MGME1: variants seen among roughly 807,000 people sequenced by gnomAD.
MGME1 encodes mitochondrial genome maintenance exonuclease 1, also known as chromosome 20 open reading frame 72.
Under a neutral mutation model 33.0 loss-of-function variants are expected in MGME1, and 22 were observed. The ratio of observed to expected loss-of-function variants is 0.67; its 90% CI spans 0.48 to 0.95. The LOEUF (loss-of-function observed/expected upper bound fraction) is 0.95, where lower values mean the gene tolerates loss of function less well. MGME1 is among the 40% of genes least tolerant of loss of function. The pLI, the probability that MGME1 is intolerant of heterozygous loss-of-function variation, is 0.00. For synonymous variants in MGME1, 133 were observed against 144.0 expected (o/e 0.92, Z 0.55); for missense variants, 383 against 397.8 (o/e 0.96, Z 0.32).
chr20:17,990,148 A>G lies in MGME1; in HGVS notation c.*39A>G. ...ATTTGGGAACATTCAGCACCTTCTC[A>G]CAGTTTGGGAACATATATTGCTGTT... On this transcript the variant is annotated 3_prime_UTR_variant, in exon 5 of 5. Transcript: ENST00000377710. 2 of 1,584,850 alleles carry G rather than the reference A, an allele frequency of 1.3e-6. No individual in the cohort carries two copies.
In MGME1 at chr20:17,990,380, T is replaced by A. The variant is rs1031690809; in HGVS notation, c.*271T>A. The A allele has an allele frequency of 3.1e-6, 1 of 319,046 alleles. No homozygotes were observed. Among genetic ancestry groups the A allele is most frequent in the Non-Finnish European group, 5.9e-6 (1 of 169,150 alleles). The allele number at this position is 319,046 out of a possible 1,614,324, so 19.8% of individuals were successfully genotyped here. Reference sequence around the variant, plus strand: ...GGACACGCAGGATGGGCAGTCATGCTGGTGACTCTTGTACTCCCTTGAGGG... The same window carrying A: ...GGACACGCAGGATGGGCAGTCATGCAGGTGACTCTTGTACTCCCTTGAGGG... On this transcript the variant is annotated 3_prime_UTR_variant, in exon 5 of 5. Coordinates refer to ENST00000377710, the MANE Select transcript of MGME1 (RefSeq NM_052865.4).
chr20:17,986,475 A>C (rs909727305), intron 3 of MGME1, among the ~76,000 whole-genome samples: 7 of 151,700 alleles, frequency 4.6e-5, no homozygotes, highest in Non-Finnish European at 1.0e-4. Flanking sequence ...TCCTGGGCTC[A>C]GCCTCCTGAG....
chr20:17,969,801 G>C lies in MGME1; in HGVS notation c.-59G>C. The C allele has an allele frequency of 1.3e-6, 2 of 1,496,318 alleles. No individual in the cohort carries two copies. The highest frequency in any genetic ancestry group is 1.3e-5 in the South Asian group (1 of 75,236). The allele number at this position is 1,496,318 out of a possible 1,614,324, so 92.7% of individuals were successfully genotyped here. ...TTGATGGTTGTTTTCTCTCCAATAG[G>C]AATACAAACATAAAGGCCTTCGACC... On this transcript the variant is annotated splice_region_variant and 5_prime_UTR_variant, in exon 2 of 5. Coordinates refer to ENST00000377710, the MANE Select transcript of MGME1 (RefSeq NM_052865.4).
intron 2 of MGME1, among the ~76,000 whole-genome samples, chr20:17,973,747 A>C (rs769492671): frequency 2.0e-5 from 3 of 151,878 alleles, no homozygotes. Flanking sequence ...TTCTCTGAGT[A>C]TCTAATTGGT....
rs1448363438 is a variant in MGME1 at position 17,975,723 on chromosome 20, A to G, written c.551A>G (p.Glu184Gly). Reference sequence around the variant, plus strand: ...GGGAAACGGTTCCACGAAGCCTTGGAAAGCATACTTTCACCCCAGGAAACC... The same window carrying G: ...GGGAAACGGTTCCACGAAGCCTTGGGAAGCATACTTTCACCCCAGGAAACC... The part of the protein sequence containing the change: ...LQGKRFHEAL[E>G]SILSPQETLK... Residue 184 changes from glutamate (E) to glycine (G), a missense_variant, in exon 3 of 5, where the codon GAA (glutamate) becomes GGA (glycine). Transcript: ENST00000377710. 2 of 1,614,108 alleles carry G rather than the reference A, an allele frequency of 1.2e-6. No individual in the cohort carries two copies. The highest frequency in any genetic ancestry group is 2.2e-5 in the South Asian group (2 of 91,086).
At chr20:17,974,580 T>C (rs1415948192) in intron 2 of MGME1, among the ~76,000 whole-genome samples, 3 of 152,204 alleles carry the variant, frequency 2.0e-5, no homozygotes, top group African/African-American at 7.2e-5. Flanking sequence ...TAATGTGTCC[T>C]AATGTGTCCT....
chr20:17,987,792 A>G (rs890402011), intron 3 of MGME1, among the ~76,000 whole-genome samples: 1 of 152,216 alleles, frequency 6.6e-6, no homozygotes, highest in Non-Finnish European at 1.5e-5. Flanking sequence ...GAGAGTCACC[A>G]GTTACTGGTC....
Position 17,990,286 on chromosome 20 carries a change from C to A in MGME1, c.*177C>A. The A allele has an allele frequency of 1.5e-6, 1 of 656,510 alleles. No individual in the cohort carries two copies. The highest frequency in any genetic ancestry group is 2.0e-5 in the South Asian group (1 of 50,652). The allele number at this position is 656,510 out of a possible 1,614,324, so 40.7% of individuals were successfully genotyped here. On this transcript the variant is annotated 3_prime_UTR_variant, in exon 5 of 5. Transcript: ENST00000377710. ...CAAAAAGACTGAAAAGCCCCAAAGT[C>A]TAGATATAAAGACCTAGACTTCGGC...
At chr20:17,989,750 C>T (rs2036245576) in intron 4 of MGME1, among the ~76,000 whole-genome samples, 189 bp from the exon 5 acceptor site, 1 of 149,500 alleles carries the variant, frequency 6.7e-6, no homozygotes, top group Admixed American at 6.7e-5. Flanking sequence ...GCCCAGTCTT[C>T]AATGTTTTAT....
At chr20:17,981,811 G>A (rs1484536807) in intron 3 of MGME1, among the ~76,000 whole-genome samples, 1 of 151,764 alleles carries the variant, frequency 6.6e-6, no homozygotes, top group Non-Finnish European at 1.5e-5. Context: ...ACAGGTGCCT[G>A]GCTAATTTTT....
chr20:17,985,058 GAAAA>G (rs1356299580), intron 3 of MGME1, among the ~76,000 whole-genome samples: 5 of 119,612 alleles, frequency 4.2e-5, no homozygotes, highest in Admixed American at 4.2e-4. Flanking sequence ...AAAAAAAAAA[GAAAA>G]GGAAAATATT....
Position 17,988,381 on chromosome 20 carries a change from C to T in MGME1, c.864+83C>T, listed in dbSNP as rs573627477. 3.4e-6 allele frequency: 5 copies of T among 1,465,314 alleles called. No individual in the cohort carries two copies. The South Asian group carries it at 6.5e-5, about 19-fold the overall frequency. The allele number at this position is 1,465,314 out of a possible 1,614,324, so 90.8% of individuals were successfully genotyped here. ...TCCGGGCCGGGCGCAGTGGCTCATG[C>T]CTGTAATCCTAGCACTTTGGGAGGC... is the stretch of plus-strand genomic sequence containing the variant. On this transcript the variant is annotated intron_variant, in intron 4 of 4. Transcript: ENST00000377710.
intron 4 of MGME1, among the ~76,000 whole-genome samples, chr20:17,989,682 A>T (rs1173692890): frequency 6.8e-6 from 1 of 146,120 alleles, no homozygotes; most frequent in East Asian, 2.0e-4. Context: ...AAAAAAAAGC[A>T]CTTTTCCACC....
chr20:17,974,426 A>C (rs957377040), intron 2 of MGME1, among the ~76,000 whole-genome samples: 2 of 152,126 alleles, frequency 1.3e-5, no homozygotes, highest in African/African-American at 4.8e-5. Flanking sequence ...TTGGAGGCCA[A>C]CGAGCACTGA....
chr20:17,971,387 A>G (rs1378043343), intron 2 of MGME1, among the ~76,000 whole-genome samples: 2 of 152,236 alleles, frequency 1.3e-5, no homozygotes, highest in African/African-American at 4.8e-5. Flanking sequence ...ATTAGTAGCA[A>G]CCACCAAACT....
In MGME1 at chr20:17,990,826, C is replaced by G. The variant is rs62209765; in HGVS notation, c.*717C>G. 6.6e-6 allele frequency: 1 copy of G among 152,156 alleles called. No individual in the cohort carries two copies. Among genetic ancestry groups the G allele is most frequent in the East Asian group, 1.9e-4 (1 of 5,196 alleles). 9.4% of individuals were successfully genotyped at this position (152,156 alleles called of 1,614,324 possible). ...TAAGTGTTTTAGTAACTATTTCTGG[C>G]GTGAGTCAACAGATCATGTAGATAG... On this transcript the variant is annotated 3_prime_UTR_variant, in exon 5 of 5. Coordinates refer to ENST00000377710, the MANE Select transcript of MGME1 (RefSeq NM_052865.4).
chr20:17,990,313 C>T lies in MGME1; in HGVS notation c.*204C>T, dbSNP rs553436022. 1.3e-5 allele frequency: 8 copies of T among 600,392 alleles called. No homozygotes were observed. The highest frequency in any genetic ancestry group is 3.0e-5 in the Admixed American group (1 of 33,232). The allele number at this position is 600,392 out of a possible 1,614,324, so 37.2% of individuals were successfully genotyped here. A position where few individuals can be genotyped will look rare whatever the true frequency, so the allele number is the denominator to read the frequency against. Reference sequence around the variant, plus strand: ...AGATATAAAGACCTAGACTTCGGCACGCGAAATCCCAGCTATGCTACCTCT... The same window carrying T: ...AGATATAAAGACCTAGACTTCGGCATGCGAAATCCCAGCTATGCTACCTCT... On this transcript the variant is annotated 3_prime_UTR_variant, in exon 5 of 5. Transcript: ENST00000377710.
chr20:17,969,826 C>G lies in MGME1; in HGVS notation c.-34C>G. 6.4e-7 allele frequency: 1 copy of G among 1,560,740 alleles called. No individual in the cohort carries two copies. The highest frequency in any genetic ancestry group is 8.6e-7 in the Non-Finnish European group (1 of 1,158,538). ...GAATACAAACATAAAGGCCTTCGACCGTTGCAAATAGACTAAAGTGAAAAC... is the reference window on the plus strand; with the variant it reads ...GAATACAAACATAAAGGCCTTCGACGGTTGCAAATAGACTAAAGTGAAAAC... On this transcript the variant is annotated 5_prime_UTR_variant, in exon 2 of 5. Transcript: ENST00000377710.
At chr20:17,969,746 G>A (rs2035662905) in intron 1 of MGME1, 55 bp from the exon 2 acceptor site, 2 of 1,085,490 alleles carry the variant, frequency 1.8e-6, no homozygotes, top group Admixed American at 4.9e-5. Flanking sequence ...CAATTTTGAT[G>A]TGCAATATCA....
Sources: gnomAD v4.1 joint callset for allele counts (sites outside exome capture counted in the v4.1 genomes callset) on GRCh38, gnomAD v4.1.1 for gene constraint, MANE v1.5 for transcripts, NCBI Gene and HGNC (gene_info 2026-07-23, HGNC 2026-07-21) for gene names.